The following TRIM50 variants were observed in gnomAD, a reference collection of about 807,000 sequenced individuals.
TRIM50 encodes the protein tripartite motif containing 50, also known as E3 ubiquitin-protein ligase TRIM50.
Under a neutral mutation model 44.9 loss-of-function variants are expected in TRIM50, and 34 were observed. That is an observed-to-expected ratio of 0.76 (90% confidence interval 0.58 to 1.01). TRIM50 has a LOEUF of 1.01. TRIM50 is among the 50% of genes least tolerant of loss of function. TRIM50 has a pLI of 0.00. For synonymous variants in TRIM50, 307 were observed against 291.1 expected (o/e 1.05, Z -0.56); for missense variants, 633 against 663.7 (o/e 0.95, Z 0.51).
At chr7:73,318,087 C>T (rs1462538369) in intron 5 of TRIM50, among the ~76,000 whole-genome samples, 1 of 152,130 alleles carries the variant, frequency 6.6e-6, no homozygotes, top group Non-Finnish European at 1.5e-5. Context: ...CAGGCCTGTG[C>T]CCCTCTGCCA....
At position 73,313,393 on chromosome 7, in the gene TRIM50, C is replaced by T. The variant is rs1180845994; in HGVS notation, c.992G>A (p.Arg331His). 3.8e-6 allele frequency: 6 copies of T among 1,587,104 alleles called. No individual in the cohort carries two copies. The highest frequency in any genetic ancestry group is 1.8e-5 in the Admixed American group (1 of 56,210). ...LAQRRASQPERFDYSTCVLAS... is the reference protein window; with the variant it reads ...LAQRRASQPEHFDYSTCVLAS... ...CAGGACGCAGGTGCTGTAGTCGAAGCGCTCAGGCTGGCTGGCTCGCCGCTG... is the reference window on the plus strand; with the variant it reads ...CAGGACGCAGGTGCTGTAGTCGAAGTGCTCAGGCTGGCTGGCTCGCCGCTG... Residue 331 changes from arginine to histidine, a missense_variant, in exon 7 of 7, where the codon CGC becomes CAC. By Grantham distance (29) the Arg-to-His change is conservative (BLOSUM62 0). Transcript: ENST00000333149. The surrounding 1 kb of genome is among the most constrained non-coding windows in gnomAD (Gnocchi z 4.9).
chr7:73,323,038 T>A (rs1490210180), intron 2 of TRIM50, among the ~76,000 whole-genome samples: 2 of 152,264 alleles, frequency 1.3e-5, no homozygotes, highest in South Asian at 2.1e-4. Flanking sequence ...GTTGTCAGGG[T>A]TTTTTTCTGT....
Position 73,313,346 on chromosome 7 carries a change from C to A in TRIM50, c.1039G>T (p.Gly347Cys). The A allele has an allele frequency of 6.2e-7, 1 of 1,603,656 alleles. No individual in the cohort carries two copies. Among genetic ancestry groups the A allele is most frequent in the Non-Finnish European group, 8.5e-7 (1 of 1,176,136 alleles). Residue 347 changes from glycine (G) to cysteine (C), a missense_variant, in exon 7 of 7, where the codon GGC becomes TGC. Coordinates refer to ENST00000333149, the MANE Select transcript of TRIM50 (RefSeq NM_178125.3). The surrounding 1 kb of genome is among the most constrained non-coding windows in gnomAD (Gnocchi z 4.9). ...CVLASRGFSC[G>C]RHYWEVVVGS... ...ACCACCACCTCCCAGTAGTGGCGGC[C>A]GCAGGAGAAGCCGCGGCTGGCCAGG...
In TRIM50 at chr7:73,313,499, G is replaced by A; in HGVS notation, c.886C>T (p.Leu296Phe). Residue 296 changes from leucine to phenylalanine, a missense_variant, in exon 7 of 7, where the codon CTC (leucine) becomes TTC (phenylalanine). Coordinates refer to ENST00000333149, the MANE Select transcript of TRIM50 (RefSeq NM_178125.3). The surrounding 1 kb of genome is among the most constrained non-coding windows in gnomAD (Gnocchi z 4.9). ...TGGGCAGTGGCAGGGTCCAACTTGA[G>A]AGGCTCCGGGGCTGGGAGGGAGATC... is the stretch of plus-strand genomic sequence containing the variant. ...FRKVLPAPEP[L>F]KLDPATAHPL... 1 of 1,511,116 alleles carries A rather than the reference G, an allele frequency of 6.6e-7. No individual in the cohort carries two copies. The highest frequency in any genetic ancestry group is 8.8e-7 in the Non-Finnish European group (1 of 1,130,816). 93.6% of individuals were successfully genotyped at this position (1,511,116 alleles called of 1,614,324 possible). A position where few individuals can be genotyped will look rare whatever the true frequency, so the allele number is the denominator to read the frequency against.
intron 6 of TRIM50, chr7:73,314,259 C>A: frequency 3.1e-6 from 1 of 318,234 alleles, no homozygotes; most frequent in Non-Finnish European, 6.0e-6. Context: ...ACGGACCTCG[C>A]CCACTTTGTG....
intron 5 of TRIM50, among the ~76,000 whole-genome samples, chr7:73,318,415 G>A (rs1401510633): frequency 6.6e-6 from 1 of 152,198 alleles, no homozygotes; most frequent in Non-Finnish European, 1.5e-5. Context: ...GGGATTGCAG[G>A]CATGAGCTAC....
rs1237678304 is a variant in TRIM50, at chr7:73,320,192, C to T, written c.450G>A (p.Val150=). The change falls in exon 3 of 7, where the codon GTG becomes GTA. Residue 150 remains valine (V), a synonymous_variant. Coordinates refer to ENST00000333149, the MANE Select transcript of TRIM50 (RefSeq NM_178125.3). ...TCACCAGTTTGGCGATGAGCTCATC[C>T]ACCTTTTTCTGCTCCTGCTTCAGCT... ...ISELKQEQKK[V]DELIAKLVNN... is the part of the protein sequence containing the mutation. 6.2e-7 allele frequency: 1 copy of T among 1,613,882 alleles called. No homozygotes were observed. The highest frequency in any genetic ancestry group is 2.2e-5 in the East Asian group (1 of 44,902).
At position 73,328,066 on chromosome 7, in the gene TRIM50, G is replaced by A. The variant is rs1297819573; in HGVS notation, c.-185C>T. On this transcript the variant is annotated 5_prime_UTR_variant, in exon 1 of 7. The change creates a new upstream start codon in the 5' untranslated region. Transcript: ENST00000333149. ...CATGCCCCGCCTCGCGCTACCGCGC[G>A]TGCCCCATCATGCTCTGCGCGCTCC... The A allele has an allele frequency of 1.1e-5, 9 of 850,234 alleles. No individual in the cohort carries two copies. The highest frequency in any genetic ancestry group is 2.2e-5 in the Admixed American group (1 of 44,536). 52.7% of individuals were successfully genotyped at this position (850,234 alleles called of 1,614,324 possible). A position where few individuals can be genotyped will look rare whatever the true frequency, so the allele number is the denominator to read the frequency against.
chr7:73,321,679 T>G (rs1434311264), intron 2 of TRIM50, among the ~76,000 whole-genome samples: 3 of 152,210 alleles, frequency 2.0e-5, no homozygotes, highest in African/African-American at 7.2e-5. Flanking sequence ...TTTGTACCCA[T>G]GCAATATACA....
At position 73,316,645 on chromosome 7, in the gene TRIM50, G is replaced by C; in HGVS notation, c.794C>G (p.Pro265Arg). The C allele has an allele frequency of 6.2e-7, 1 of 1,614,210 alleles. No homozygotes were observed. Among genetic ancestry groups the C allele is most frequent in the Non-Finnish European group, 8.5e-7 (1 of 1,180,034 alleles). Residue 265 changes from proline to arginine, a missense_variant, in exon 6 of 7, where the codon CCC becomes CGC. By Grantham distance (103) the Pro-to-Arg change is moderately radical (BLOSUM62 -2). Coordinates refer to ENST00000333149, the MANE Select transcript of TRIM50 (RefSeq NM_178125.3). ...GTGGAGGCCTGGCTTGAAGGAGATG[G>C]GGCTGAATGCGCCTTCTAAGGGCCG... ...QARPLEGAFSPISFKPGLHQA... is the reference protein window; with the variant it reads ...QARPLEGAFSRISFKPGLHQA...
rs140574537 is a variant in TRIM50 at position 73,328,003 on chromosome 7, C to G, written c.-122G>C. 9 of 609,966 alleles carry G rather than the reference C, an allele frequency of 1.5e-5. No individual in the cohort carries two copies. In the South Asian group the frequency reaches 1.8e-4, roughly 12 times the overall value. 37.8% of individuals were successfully genotyped at this position (609,966 alleles called of 1,614,324 possible). ...CAATTACGTGCCCCACCTAACCCCC[C>G]ACGTCCGTGCCTCATCATGACCCGC... On this transcript the variant is annotated 5_prime_UTR_variant, in exon 1 of 7. Coordinates refer to ENST00000333149, the MANE Select transcript of TRIM50 (RefSeq NM_178125.3).
At chr7:73,326,639 T>A (rs1804635754) in intron 1 of TRIM50, among the ~76,000 whole-genome samples, 2 of 152,154 alleles carry the variant, frequency 1.3e-5, no homozygotes, top group Admixed American at 1.3e-4. Context: ...CATGTTGTCA[T>A]GTGGACTGTT....
chr7:73,313,129 T>A lies in TRIM50; in HGVS notation c.1256A>T (p.His419Leu). The change falls in exon 7 of 7, where the codon CAC (histidine) becomes CTC (leucine). Residue 419 changes from histidine to leucine, a missense_variant. Physicochemically the swap from His to Leu is moderately conservative, Grantham distance 99. Transcript: ENST00000333149. This position sits in a 1 kb window ranked among gnomAD's most constrained non-coding sequence, Gnocchi z 4.9. ...GHPHRIGLYL[H>L]YEQGELTFFD... ...GAAGGTGAGTTCGCCCTGCTCATAG[T>A]GCAGGTAGAGCCCGATGCGGTGGGG... 1 of 1,592,802 alleles carries A rather than the reference T, an allele frequency of 6.3e-7. No individual in the cohort carries two copies. Among genetic ancestry groups the A allele is most frequent in the African/African-American group, 1.3e-5 (1 of 74,788 alleles).
At chr7:73,316,464 A>C in intron 6 of TRIM50, 101 bp downstream of exon 6, 1 of 1,500,704 alleles carries the variant, frequency 6.7e-7, no homozygotes, top group Non-Finnish European at 8.9e-7. Context: ...ACAAACCTCC[A>C]TCTGAGTTCT....
intron 1 of TRIM50, among the ~76,000 whole-genome samples, chr7:73,327,480 GTCAA>G (rs563606509): frequency 2.9e-4 from 44 of 152,138 alleles, no homozygotes; most frequent in Admixed American, 7.9e-4. Context: ...ACGAGCCTCT[GTCAA>G]TCAATCAATC....
intron 1 of TRIM50, 21 bp downstream of exon 1, chr7:73,327,879 C>T (rs1225479905): frequency 2.6e-6 from 1 of 378,758 alleles, no homozygotes; most frequent in African/African-American, 2.1e-5. Flanking sequence ...CCATCATTTC[C>T]CGCTCGCTCT....
chr7:73,319,071 G>C lies in TRIM50; in HGVS notation c.496-19C>G, dbSNP rs2530528. 3.4e-3 allele frequency: 5,523 copies of C among 1,612,546 alleles called. 128 individuals are homozygous for C. The African/African-American group carries it at 0.057, about 17-fold the overall frequency. Reference sequence around the variant, plus strand: ...ACTCATTCTGGGACAGGGAGGGCTGGTCACTGCAGAGTCACAGCCGAGCTG... The same window carrying C: ...ACTCATTCTGGGACAGGGAGGGCTGCTCACTGCAGAGTCACAGCCGAGCTG... On this transcript the variant is annotated intron_variant, in intron 3 of 6. Coordinates refer to ENST00000333149, the MANE Select transcript of TRIM50 (RefSeq NM_178125.3).
Position 73,312,795 on chromosome 7 carries a change from G to C in TRIM50, c.*126C>G. ...GTTCCCTATCATTACATGTTCCAGG[G>C]ACACACAGGCCTGAAGACCTTCCTA... On this transcript the variant is annotated 3_prime_UTR_variant, in exon 7 of 7. Transcript: ENST00000333149. 1 of 708,068 alleles carries C rather than the reference G, an allele frequency of 1.4e-6. No individual in the cohort carries two copies. 43.9% of individuals were successfully genotyped at this position (708,068 alleles called of 1,614,324 possible). A position where few individuals can be genotyped will look rare whatever the true frequency, so the allele number is the denominator to read the frequency against.
At chr7:73,327,420 G>A (rs184589060) in intron 1 of TRIM50, among the ~76,000 whole-genome samples, 6 of 152,290 alleles carry the variant, frequency 3.9e-5, no homozygotes, top group African/African-American at 1.4e-4. Context: ...CCAGGGAGTG[G>A]CGGCTGCAGT....
Sources: allele counts gnomAD v4.1 joint callset (sites outside exome capture counted in the v4.1 genomes callset), GRCh38; gene constraint gnomAD v4.1.1; non-coding constraint Gnocchi (gnomAD v3.1); transcripts MANE v1.5; gene names NCBI Gene and HGNC (gene_info 2026-07-23, HGNC 2026-07-21).